Variants in TSHZ3 observed in about 807,000 individuals in gnomAD.
TSHZ3 encodes the protein teashirt zinc finger homeobox 3.
Under a neutral mutation model 64.5 loss-of-function variants are expected in TSHZ3, and 10 were observed. The observed-to-expected ratio is 0.16, with a 90% confidence interval of 0.10 to 0.26. TSHZ3 has a LOEUF of 0.26. Among genes scored for constraint, TSHZ3 ranks in the 10% least tolerant of loss-of-function variants. TSHZ3 has a pLI of 1.00. For missense variants in TSHZ3, 1,242 were observed against 1,421.7 expected (o/e 0.87, Z 2.03); for synonymous variants, 608 against 593.1 (o/e 1.03, Z -0.36).
At chr19:31,274,472 TTC>T (rs1976190657), downstream of TSHZ3, among the ~76,000 whole-genome samples, 1 of 152,088 alleles carries the variant, frequency 6.6e-6, no homozygotes, top group South Asian at 2.1e-4. Flanking sequence ...ACCCGATTGG[TTC>T]TGTTTCCCGC....
intron 1 of TSHZ3, among the ~76,000 whole-genome samples, chr19:31,269,633 G>A (rs981219683): frequency 4.6e-5 from 7 of 152,080 alleles, no homozygotes; most frequent in Non-Finnish European, 1.5e-5. Flanking sequence ...CACTTGGCCT[G>A]GGAGATCTCT....
At chr19:31,263,144 C>T (rs903936) in intron 1 of TSHZ3, among the ~76,000 whole-genome samples, 2,225 of 152,256 alleles carry the variant, frequency 0.015, 51 homozygotes, top group African/African-American at 0.051. Context: ...CTGAAGATGG[C>T]TGGCTCAGAA....
chr19:31,154,170 C>A (rs1359023699), intron 6 of TSHZ3, among the ~76,000 whole-genome samples: 1 of 152,198 alleles, frequency 6.6e-6, no homozygotes, highest in Non-Finnish European at 1.5e-5. Flanking sequence ...GACAGCAGAG[C>A]TACCCAGCAG....
At chr19:31,331,863 G>C (rs1599653812) in intron 1 of TSHZ3, among the ~76,000 whole-genome samples, 1 of 152,158 alleles carries the variant, frequency 6.6e-6, no homozygotes, top group South Asian at 2.1e-4. Flanking sequence ...GAGCGGCTGG[G>C]CCCCAGCCAA....
At chr19:31,282,439 T>A (rs912689897) in intron 1 of TSHZ3, among the ~76,000 whole-genome samples, 2 of 152,100 alleles carry the variant, frequency 1.3e-5, no homozygotes, top group Non-Finnish European at 2.9e-5. Context: ...GAGCCAATAG[T>A]GGACATGAAA....
intron 1 of TSHZ3, among the ~76,000 whole-genome samples, chr19:31,323,632 C>A (rs957749651): frequency 6.6e-6 from 1 of 152,008 alleles, no homozygotes. Context: ...TTTACGAATA[C>A]CCAGATGATT....
chr19:31,247,763 C>T (rs1333736236), intron 1 of TSHZ3, among the ~76,000 whole-genome samples: 4 of 152,232 alleles, frequency 2.6e-5, no homozygotes, highest in Admixed American at 6.5e-5. Context: ...GGGAAATGCA[C>T]GCTGAAGTAT....
chr19:31,323,473 A>C (rs1916836290), intron 1 of TSHZ3, among the ~76,000 whole-genome samples: 1 of 152,250 alleles, frequency 6.6e-6, no homozygotes, highest in Non-Finnish European at 1.5e-5. Context: ...GTAGAAAGAC[A>C]AAGCATAATT....
At chr19:31,296,815 A>C (rs1976669680) in intron 1 of TSHZ3, among the ~76,000 whole-genome samples, 1 of 152,200 alleles carries the variant, frequency 6.6e-6, no homozygotes. Flanking sequence ...ACTGGGGGTC[A>C]GTCACAAAGG....
At chr19:31,187,971 AT>A (rs549041657) in intron 5 of TSHZ3, among the ~76,000 whole-genome samples, 1 of 152,182 alleles carries the variant, frequency 6.6e-6, no homozygotes, top group Non-Finnish European at 1.5e-5. Flanking sequence ...TGGAATTTCT[AT>A]TTGGATAGCA....
At chr19:31,210,617 A>G (rs1178531511) in intron 4 of TSHZ3, among the ~76,000 whole-genome samples, 1 of 152,202 alleles carries the variant, frequency 6.6e-6, no homozygotes, top group Non-Finnish European at 1.5e-5. Flanking sequence ...ACACTATGTC[A>G]TGAGAATGGA....
In TSHZ3 at chr19:31,195,130, G is replaced by A. The variant is rs553789903; in HGVS notation, n.809+9826C>T. On this transcript the variant is annotated intron_variant and non_coding_transcript_variant, in intron 5 of 6. Coordinates refer to the TSHZ3 transcript ENST00000651361. ...ATAAAAGGTATAACATACACATATG[G>A]GAATACCAGACAGAGAAAAGAGGAG... 3.1e-4 allele frequency among the ~76,000 whole-genome samples: 47 copies of A among 152,086 alleles called. No homozygotes were observed. In the South Asian group the frequency reaches 9.6e-3, roughly 31 times the overall value.
At chr19:31,222,922 A>T (rs1320222413) in intron 4 of TSHZ3, among the ~76,000 whole-genome samples, 2 of 152,192 alleles carry the variant, frequency 1.3e-5, no homozygotes, top group African/African-American at 4.8e-5. Context: ...AATAATACCC[A>T]TGTGGGGTCA....
At chr19:31,158,540 A>G (rs1009466996) in intron 5 of TSHZ3, among the ~76,000 whole-genome samples, 16 of 152,144 alleles carry the variant, frequency 1.1e-4, no homozygotes, top group African/African-American at 3.9e-4. Context: ...TTTTGGTACT[A>G]GGGACTGGTT....
At chr19:31,269,225 G>A (rs1209302193) in intron 1 of TSHZ3, among the ~76,000 whole-genome samples, 1 of 152,006 alleles carries the variant, frequency 6.6e-6, no homozygotes, top group African/African-American at 2.4e-5. Flanking sequence ...TCAAACACAT[G>A]CACAAATTAA....
At chr19:31,216,339 T>G (rs1194625771) in intron 4 of TSHZ3, among the ~76,000 whole-genome samples, 1 of 152,140 alleles carries the variant, frequency 6.6e-6, no homozygotes, top group Non-Finnish European at 1.5e-5. Context: ...AGACAGCACT[T>G]TGCTGCAAAA....
At chr19:31,262,929 T>C (rs1975998967) in intron 1 of TSHZ3, among the ~76,000 whole-genome samples, 1 of 152,226 alleles carries the variant, frequency 6.6e-6, no homozygotes, top group South Asian at 2.1e-4. Flanking sequence ...ACAGTTGGGC[T>C]GCGGACATGT....
chr19:31,337,687 G>C (rs769080030), intron 1 of TSHZ3, among the ~76,000 whole-genome samples: 4 of 150,924 alleles, frequency 2.7e-5, no homozygotes, highest in Non-Finnish European at 5.9e-5. Flanking sequence ...GCAGTGCAAA[G>C]TGTTAGGCTG....
intron 5 of TSHZ3, among the ~76,000 whole-genome samples, chr19:31,190,175 G>A (rs901286580): frequency 1.3e-5 from 2 of 152,162 alleles, no homozygotes; most frequent in African/African-American, 4.8e-5. Context: ...GAACTTAAAA[G>A]ACAGGTCATT....
Sources: allele counts gnomAD v4.1 joint callset (sites outside exome capture counted in the v4.1 genomes callset), GRCh38; gene constraint gnomAD v4.1.1; transcripts MANE v1.5; gene names NCBI Gene and HGNC (gene_info 2026-07-23, HGNC 2026-07-21).